The following PDGFA variants were observed in gnomAD, a reference collection of about 807,000 sequenced individuals.
PDGFA encodes the protein platelet derived growth factor subunit A.
PDGFA carries 9 observed loss-of-function variants against 25.6 expected under a neutral mutation model. The ratio of observed to expected loss-of-function variants is 0.35; its 90% CI spans 0.21 to 0.61. The LOEUF is 0.61. PDGFA is among the 20% of genes least tolerant of loss of function. The pLI is 0.75. For missense variants in PDGFA, 242 were observed against 272.8 expected (o/e 0.89, Z 0.79); for synonymous variants, 133 against 111.8 (o/e 1.19, Z -1.20).
intron 4 of PDGFA, among the ~76,000 whole-genome samples, chr7:502,707 A>G (rs1782398988): frequency 6.6e-6 from 1 of 152,028 alleles, no homozygotes. Context: ...CTGCAGGCAG[A>G]CAATGGCCCA....
intron 4 of PDGFA, among the ~76,000 whole-genome samples, chr7:506,407 C>T (rs9692407): frequency 0.52 from 78,369 of 151,424 alleles, 20,448 homozygotes; most frequent in Non-Finnish European, 0.55. Context: ...AAGAGGACCT[C>T]CACTCCGCCC....
chr7:497,869 T>TTAAAAA (rs774935891), exon 6 of PDGFA: 2 of 24,982 alleles, frequency 8.0e-5, no homozygotes, highest in African/African-American at 2.2e-4. Flanking sequence ...AAGAGATAAT[T>TTAAAAA]AAAAAAAAAA....
chr7:507,194 C>T (rs1782598773), intron 4 of PDGFA, among the ~76,000 whole-genome samples: 2 of 152,250 alleles, frequency 1.3e-5, no homozygotes, highest in Non-Finnish European at 2.9e-5. Flanking sequence ...TGTTTTCCTC[C>T]AACCCTCGGA....
At position 500,552 on chromosome 7, in the gene PDGFA, G is replaced by A. The variant is rs183938903; in HGVS notation, c.580+564C>T. The stretch of plus-strand genomic sequence containing the variant: ...TGGGCCGAGGGACGGCCGTCGGGGT[G>A]AAGAACTGAAGCAACAAATACCTAC... On this transcript the variant is annotated intron_variant, in intron 5 of 5. Transcript: ENST00000402802. The surrounding 1 kb of genome is among the most constrained non-coding windows in gnomAD (Gnocchi z 5.0). 5.9e-5 allele frequency: 95 copies of A among 1,612,716 alleles called. 1 individual carries two copies. In the East Asian group the frequency reaches 2.0e-3, roughly 34 times the overall value.
intron 4 of PDGFA, among the ~76,000 whole-genome samples, chr7:508,644 TAGGGGCCGCACCC>T (rs1158953186): frequency 1.4e-4 from 19 of 140,056 alleles, no homozygotes; most frequent in Non-Finnish European, 2.3e-4. Flanking sequence ...CCTCCTGGAC[TAGGGGCCGCACCC>T]GCCTGTGCCC....
intron 3 of PDGFA, 80 bp downstream of exon 3, chr7:512,271 G>C (rs571032041): frequency 1.8e-5 from 18 of 1,014,790 alleles, no homozygotes; most frequent in East Asian, 2.9e-5. Context: ...CTCCCCACCC[G>C]GCCCTGCCCT....
At chr7:513,811 C>T (rs759147557) in intron 2 of PDGFA, among the ~76,000 whole-genome samples, 4 of 152,244 alleles carry the variant, frequency 2.6e-5, no homozygotes, top group Non-Finnish European at 5.9e-5. Context: ...GCCCGCAAAC[C>T]TCACAGAAGG....
At chr7:518,954 G>A (rs761332385) in exon 1 of PDGFA, 5 of 1,538,460 alleles carry the variant, frequency 3.2e-6, no homozygotes, top group South Asian at 1.2e-5. Context: ...CCAGAACATG[G>A]GCGAGGTATC....
intron 4 of PDGFA, among the ~76,000 whole-genome samples, chr7:507,424 C>T (rs1457980083): frequency 2.0e-5 from 3 of 152,220 alleles, no homozygotes; most frequent in Non-Finnish European, 4.4e-5. Flanking sequence ...AACTGGCCCT[C>T]ACCCCCAACA....
intron 3 of PDGFA, 91 bp from the exon 4 acceptor site, chr7:511,087 G>T: frequency 1.0e-6 from 1 of 980,866 alleles, no homozygotes; most frequent in Non-Finnish European, 1.6e-6. Flanking sequence ...GGCCTGGGGG[G>T]CAACCAGGGT....
chr7:501,371 A>T (rs558504388), intron 4 of PDGFA, 129 bp from the exon 5 acceptor site: 4 of 1,148,564 alleles, frequency 3.5e-6, no homozygotes, highest in Non-Finnish European at 3.8e-6. Flanking sequence ...TCCCAGAAAC[A>T]CTACCTTGTG....
chr7:500,346 G>A lies in PDGFA; in HGVS notation c.580+770C>T. ...GCCACATCCCCGCCGCACCCGGCGA[G>A]ACAGGAAGCGTGATTTGCTGGTGTG... On this transcript the variant is annotated intron_variant, in intron 5 of 5. Transcript: ENST00000402802. The surrounding 1 kb of genome is among the most constrained non-coding windows in gnomAD (Gnocchi z 5.0). 1 of 1,472,570 alleles carries A rather than the reference G, an allele frequency of 6.8e-7. No individual in the cohort carries two copies. Among genetic ancestry groups the A allele is most frequent in the Non-Finnish European group, 9.5e-7 (1 of 1,054,438 alleles). The allele number at this position is 1,472,570 out of a possible 1,614,324, so 91.2% of individuals were successfully genotyped here.
chr7:520,659 C>T (rs984590147), upstream of PDGFA: 4 of 152,272 alleles, frequency 2.6e-5, no homozygotes, highest in Admixed American at 1.3e-4. Context: ...CCTCCCGCGT[C>T]GGGATCCGTG....
chr7:499,554 G>A (rs779375849), intron 5 of PDGFA, among the ~76,000 whole-genome samples: 17 of 152,342 alleles, frequency 1.1e-4, no homozygotes, highest in Non-Finnish European at 1.9e-4. Context: ...TGCCTCCTCC[G>A]TGATGATGGC....
At position 517,092 on chromosome 7, in the gene PDGFA, G is replaced by T. The variant is rs1562494099; in HGVS notation, c.160+302C>A. On this transcript the variant is annotated intron_variant, in intron 2 of 5. Coordinates refer to ENST00000402802, the Ensembl canonical transcript of PDGFA. The surrounding 1 kb of genome is among the most constrained non-coding windows in gnomAD (Gnocchi z 7.4). ...GATCCTGCCGCTCCCCCGGCCCGAGGGCAGGCGCGGGGCCCGCACACCTGG... is the reference window on the plus strand; with the variant it reads ...GATCCTGCCGCTCCCCCGGCCCGAGTGCAGGCGCGGGGCCCGCACACCTGG... Among the ~76,000 whole-genome samples the T allele has an allele frequency of 6.6e-6, 1 of 151,552 alleles. No homozygotes were observed.
exon 6 of PDGFA, chr7:498,502 T>G (rs1232183469): frequency 6.5e-7 from 1 of 1,531,394 alleles, no homozygotes. Flanking sequence ...CCGTACATAG[T>G]AGGTTCAGGA....
exon 4 of PDGFA, chr7:510,854 GCTC>G: frequency 6.2e-7 from 1 of 1,610,152 alleles, no homozygotes; most frequent in African/African-American, 1.3e-5. Flanking sequence ...ACTTGACACT[GCTC>G]GTGTTGCAGC....
intron 4 of PDGFA, among the ~76,000 whole-genome samples, chr7:504,774 G>A (rs548093576): frequency 3.3e-5 from 5 of 152,338 alleles, no homozygotes; most frequent in Admixed American, 1.3e-4. Context: ...TAGTTCCCTC[G>A]GCAGGGCAGA....
rs531252403 is a variant in PDGFA at position 508,158 on chromosome 7, T to TC, written c.453+2650dup. On this transcript the variant is annotated intron_variant, in intron 4 of 5. Coordinates refer to ENST00000402802, the Ensembl canonical transcript of PDGFA. ...GCAAAGTCCTTCCCGGAGAACCTTCTCCCCGCCGCCCCATCTCCCTCCGGG... is the reference window on the plus strand; with the variant it reads ...GCAAAGTCCTTCCCGGAGAACCTTCTCCCCCGCCGCCCCATCTCCCTCCGGG... 3.8e-4 allele frequency among the ~76,000 whole-genome samples: 58 copies of TC among 151,770 alleles called. 1 individual carries two copies. The East Asian group carries it at 5.1e-3, about 13-fold the overall frequency.
Sources: gnomAD v4.1 joint callset for allele counts (sites outside exome capture counted in the v4.1 genomes callset) on GRCh38, gnomAD v4.1.1 for gene constraint, Gnocchi (gnomAD v3.1) non-coding constraint, MANE v1.5 for transcripts, NCBI Gene and HGNC (gene_info 2026-07-23, HGNC 2026-07-21) for gene names.